Variants in EPHA5 observed in about 807,000 individuals in gnomAD.
EPHA5 encodes the protein EPH receptor A5.
Under a neutral mutation model 105.0 loss-of-function variants are expected in EPHA5, and 60 were observed. That is an observed-to-expected ratio of 0.57 (90% CI 0.46 to 0.71). The LOEUF (loss-of-function observed/expected upper bound fraction) is 0.71. Ranked by LOEUF, EPHA5 falls within the 30% of genes least tolerant of loss-of-function variation. EPHA5 has a pLI of 0.00. For missense variants in EPHA5, 1,218 were observed against 1,274.7 expected (o/e 0.96, Z 0.68); for synonymous variants, 513 against 449.1 (o/e 1.14, Z -1.80).
rs371360880 is a variant in EPHA5, at chr4:65,611,643, T to C, written c.247-9339A>G. Among the ~76,000 whole-genome samples, 15 of 152,260 alleles carry C rather than the reference T, an allele frequency of 9.9e-5. 2 individuals carry two copies. The South Asian group carries it at 2.7e-3, about 27-fold the overall frequency. The stretch of plus-strand genomic sequence containing the variant: ...TGCTGCCTGTGCTCTCTGTTCTTTT[T>C]TCAGTCCTCATTTTTCAGTAGATAA... On this transcript the variant is annotated intron_variant, in intron 2 of 16. Transcript: ENST00000613740.
At chr4:65,607,144 T>G (rs1156794997) in intron 2 of EPHA5, among the ~76,000 whole-genome samples, 1 of 152,142 alleles carries the variant, frequency 6.6e-6, no homozygotes, top group Non-Finnish European at 1.5e-5. Context: ...CTAACTTTAC[T>G]GAAGATATCC....
At chr4:65,611,314 T>G (rs1744736933) in intron 2 of EPHA5, among the ~76,000 whole-genome samples, 1 of 152,154 alleles carries the variant, frequency 6.6e-6, no homozygotes, top group Non-Finnish European at 1.5e-5. Flanking sequence ...TAATTGGTAC[T>G]CTTTAATATA....
At chr4:65,346,485 A>G (rs569352454) in intron 14 of EPHA5, among the ~76,000 whole-genome samples, 11 of 152,218 alleles carry the variant, frequency 7.2e-5, no homozygotes, top group African/African-American at 2.6e-4. Flanking sequence ...TTCAATATTT[A>G]TTCCACCTCA....
chr4:65,522,315 T>TATATATATATATATATATAC (rs1560643397), intron 3 of EPHA5, among the ~76,000 whole-genome samples: 3 of 86,450 alleles, frequency 3.5e-5, no homozygotes, highest in African/African-American at 1.2e-4. Context: ...TATATATATA[T>TATATATATATATATATATAC]GTATATATAT....
chr4:65,379,469 T>C (rs529157387), intron 8 of EPHA5, among the ~76,000 whole-genome samples: 13 of 151,898 alleles, frequency 8.6e-5, no homozygotes, highest in South Asian at 6.2e-4. Context: ...AAAATTGCTT[T>C]AGATAATTTG....
At chr4:65,428,663 C>A (rs1724684334) in intron 5 of EPHA5, among the ~76,000 whole-genome samples, 1 of 151,892 alleles carries the variant, frequency 6.6e-6, no homozygotes, top group South Asian at 2.1e-4. Flanking sequence ...TAAAATGCAC[C>A]ATTCAGTATA....
chr4:65,369,378 C>T (rs1001739327), intron 8 of EPHA5, among the ~76,000 whole-genome samples: 1 of 152,044 alleles, frequency 6.6e-6, no homozygotes, highest in Non-Finnish European at 1.5e-5. Flanking sequence ...GCACAAAATT[C>T]AGTTTACTAA....
intron 7 of EPHA5, among the ~76,000 whole-genome samples, chr4:65,408,482 C>T (rs62314465): frequency 0.1 from 15,211 of 151,822 alleles, 982 homozygotes; most frequent in Middle Eastern, 0.23. Context: ...AACATTCTGA[C>T]AAATTTACAA....
At chr4:65,572,639 T>A (rs1352615351) in intron 3 of EPHA5, among the ~76,000 whole-genome samples, 1 of 152,216 alleles carries the variant, frequency 6.6e-6, no homozygotes, top group Non-Finnish European at 1.5e-5. Flanking sequence ...TAGTTTCATG[T>A]TATATGTACG....
At chr4:65,337,944 A>T (rs1240218057) in intron 14 of EPHA5, among the ~76,000 whole-genome samples, 1 of 152,148 alleles carries the variant, frequency 6.6e-6, no homozygotes, top group African/African-American at 2.4e-5. Flanking sequence ...AGAGCAGCCT[A>T]CTACCTTAAT....
intron 5 of EPHA5, among the ~76,000 whole-genome samples, chr4:65,476,186 CA>C (rs1200716158): frequency 6.7e-6 from 1 of 149,502 alleles, no homozygotes; most frequent in Non-Finnish European, 1.5e-5. Flanking sequence ...TTGGCCCCTA[CA>C]TTGTATATAC....
intron 5 of EPHA5, among the ~76,000 whole-genome samples, chr4:65,440,499 T>TACACACACACACAA (rs1553916604): frequency 7.0e-6 from 1 of 143,358 alleles, no homozygotes; most frequent in African/African-American, 2.6e-5. Flanking sequence ...TCCTAAATCT[T>TACACACACACACAA]ACACACACAC....
At position 65,605,556 on chromosome 4, in the gene EPHA5, C is replaced by T. The variant is rs149977595; in HGVS notation, c.247-3252G>A. Among the ~76,000 whole-genome samples, 110 of 152,260 alleles carry T rather than the reference C, an allele frequency of 7.2e-4. No homozygotes were observed. In the East Asian group the frequency reaches 0.018, roughly 25 times the overall value. Reference sequence around the variant, plus strand: ...ATGTCCCCAAATTCACAGTAGGAAGCATCATGTGAACAGAGACAATTTTAA... The same window carrying T: ...ATGTCCCCAAATTCACAGTAGGAAGTATCATGTGAACAGAGACAATTTTAA... On this transcript the variant is annotated intron_variant, in intron 2 of 16. Coordinates refer to ENST00000613740, the MANE Select transcript of EPHA5 (RefSeq NM_001281766.3).
chr4:65,392,219 T>G (rs1250612192), intron 8 of EPHA5, among the ~76,000 whole-genome samples: 1 of 152,128 alleles, frequency 6.6e-6, no homozygotes, highest in Non-Finnish European at 1.5e-5. Flanking sequence ...GAAAAAAGCA[T>G]GTAATCATGG....
intron 16 of EPHA5, among the ~76,000 whole-genome samples, chr4:65,328,053 T>C (rs1720248798): frequency 6.6e-6 from 1 of 151,186 alleles, no homozygotes; most frequent in African/African-American, 2.4e-5. Context: ...TAGAAAATTT[T>C]ATAGCTACAC....
At chr4:65,383,477 C>G (rs903749612) in intron 8 of EPHA5, among the ~76,000 whole-genome samples, 1 of 151,674 alleles carries the variant, frequency 6.6e-6, no homozygotes, top group Non-Finnish European at 1.5e-5. Context: ...TCACTGCTAC[C>G]AGTAAAAACA....
chr4:65,525,303 T>G (rs182211279), intron 3 of EPHA5, among the ~76,000 whole-genome samples: 79 of 151,952 alleles, frequency 5.2e-4, no homozygotes, highest in Middle Eastern at 3.4e-3. Flanking sequence ...TAATATAATT[T>G]CATTCATTCA....
chr4:65,626,539 C>T (rs897822955), intron 2 of EPHA5, among the ~76,000 whole-genome samples: 1 of 152,106 alleles, frequency 6.6e-6, no homozygotes, highest in African/African-American at 2.4e-5. Context: ...AGTTGCAGAA[C>T]TTGGATAAAT....
chr4:65,606,862 T>C (rs1169425195), intron 2 of EPHA5, among the ~76,000 whole-genome samples: 1 of 152,150 alleles, frequency 6.6e-6, no homozygotes, highest in Non-Finnish European at 1.5e-5. Context: ...CATAAAAATC[T>C]GGCAAAGAAT....
Sources: gnomAD v4.1 joint callset for allele counts (sites outside exome capture counted in the v4.1 genomes callset) on GRCh38, gnomAD v4.1.1 for gene constraint, MANE v1.5 for transcripts, NCBI Gene and HGNC (gene_info 2026-07-23, HGNC 2026-07-21) for gene names.